Variants in PDGFD observed in about 807,000 individuals in gnomAD.
The protein encoded by PDGFD is platelet derived growth factor D, also known as platelet-derived growth factor D.
In PDGFD, 30 loss-of-function variants were observed where a neutral mutation model predicts 44.7. The observed-to-expected ratio is 0.67, with a 90% CI of 0.50 to 0.91. The LOEUF is 0.91. Among genes scored for constraint, PDGFD ranks in the 40% least tolerant of loss-of-function variants. The pLI is 0.00. For missense variants in PDGFD, 445 were observed against 457.8 expected, an observed-to-expected ratio of 0.97 and a Z score of 0.25; for synonymous variants, 173 against 168.4, an observed-to-expected ratio of 1.03 and a Z score of -0.21.
intron 1 of PDGFD, among the ~76,000 whole-genome samples, chr11:104,108,358 GA>G (rs5794294): frequency 0.48 from 71,645 of 149,760 alleles, 17,590 homozygotes; most frequent in Middle Eastern, 0.63. Flanking sequence ...AAATTTATAA[GA>G]AAAAAAAAAC....
At chr11:104,015,702 C>T (rs192775104) in intron 1 of PDGFD, among the ~76,000 whole-genome samples, 6 of 152,086 alleles carry the variant, frequency 3.9e-5, no homozygotes, top group Non-Finnish European at 7.4e-5. Flanking sequence ...TTAAAAAGCA[C>T]TAGAGTATTA....
intron 1 of PDGFD, among the ~76,000 whole-genome samples, chr11:104,009,700 T>C (rs1288834169): frequency 6.6e-6 from 1 of 152,098 alleles, no homozygotes; most frequent in Non-Finnish European, 1.5e-5. Context: ...TTGGATTAAA[T>C]TGAATTTAAT....
At chr11:104,107,526 G>A (rs1861489213) in intron 1 of PDGFD, among the ~76,000 whole-genome samples, 1 of 152,130 alleles carries the variant, frequency 6.6e-6, no homozygotes, top group African/African-American at 2.4e-5. Flanking sequence ...GATAATAAAT[G>A]TGTTGTTTTA....
At chr11:104,041,074 T>C (rs1298589094) in intron 1 of PDGFD, among the ~76,000 whole-genome samples, 1 of 152,050 alleles carries the variant, frequency 6.6e-6, no homozygotes, top group Non-Finnish European at 1.5e-5. Flanking sequence ...TTTTATTATG[T>C]GGAAACTACC....
At chr11:104,105,339 A>G (rs1026332104) in intron 1 of PDGFD, among the ~76,000 whole-genome samples, 1 of 152,196 alleles carries the variant, frequency 6.6e-6, no homozygotes, top group African/African-American at 2.4e-5. Context: ...GTTAACAACT[A>G]GTGTTCTCAA....
intron 4 of PDGFD, chr11:103,946,048 C>T (rs1204061241): frequency 6.6e-6 from 1 of 152,132 alleles, no homozygotes; most frequent in Non-Finnish European, 1.5e-5. Context: ...TAATGTGTCT[C>T]CTTCAGCTGA....
intron 1 of PDGFD, among the ~76,000 whole-genome samples, chr11:104,033,702 A>G (rs924771558): frequency 6.6e-6 from 1 of 152,216 alleles, no homozygotes; most frequent in African/African-American, 2.4e-5. Flanking sequence ...GGTTTTAAGA[A>G]CAAATTGTAC....
chr11:104,124,565 G>A (rs1439543317), intron 1 of PDGFD, among the ~76,000 whole-genome samples: 1 of 151,906 alleles, frequency 6.6e-6, no homozygotes, highest in Non-Finnish European at 1.5e-5. Context: ...TTTTCAGGAT[G>A]GATTCATAAA....
At chr11:103,959,533 C>T (rs1315725987) in intron 3 of PDGFD, among the ~76,000 whole-genome samples, 1 of 152,146 alleles carries the variant, frequency 6.6e-6, no homozygotes, top group Non-Finnish European at 1.5e-5. Context: ...TCTTTCCACT[C>T]CCCACTCAAC....
intron 1 of PDGFD, among the ~76,000 whole-genome samples, chr11:104,010,386 T>G (rs979272030): frequency 2.0e-5 from 3 of 152,070 alleles, no homozygotes; most frequent in African/African-American, 7.2e-5. Context: ...AAAGTCCTCT[T>G]GAATACTTGC....
intron 1 of PDGFD, among the ~76,000 whole-genome samples, chr11:104,129,598 G>A (rs1861887841): frequency 6.6e-6 from 1 of 152,154 alleles, no homozygotes; most frequent in African/African-American, 2.4e-5. Flanking sequence ...GCAGCAGGGT[G>A]CAAAAATTGC....
chr11:104,154,683 G>C (rs552286326), intron 1 of PDGFD, among the ~76,000 whole-genome samples: 1 of 152,262 alleles, frequency 6.6e-6, no homozygotes, highest in Admixed American at 6.5e-5. Flanking sequence ...TTTAAAGATA[G>C]AAGAGTAGTA....
intron 1 of PDGFD, among the ~76,000 whole-genome samples, chr11:104,054,184 A>G (rs750391082): frequency 1.3e-5 from 2 of 152,218 alleles, no homozygotes; most frequent in African/African-American, 2.4e-5. Context: ...CTGGGAAGCG[A>G]TTTCTGCAAA....
At chr11:104,034,444 A>C (rs1201026070) in intron 1 of PDGFD, among the ~76,000 whole-genome samples, 2 of 152,204 alleles carry the variant, frequency 1.3e-5, no homozygotes, top group Non-Finnish European at 2.9e-5. Flanking sequence ...CATGAGAAAC[A>C]GGAGCCAAAA....
rs532395881 is a variant in PDGFD, at chr11:104,075,436, AGTT to A, written c.125-75184_125-75182del. ...AGGTACACATTTTCTCTTTCATATCAGTTGTTAGCTAATAGAGACTGTACTTTG... is the reference window on the plus strand; with the variant it reads ...AGGTACACATTTTCTCTTTCATATCAGTTAGCTAATAGAGACTGTACTTTG... On this transcript the variant is annotated intron_variant, in intron 1 of 6. Transcript: ENST00000393158. Among the ~76,000 whole-genome samples the A allele has an allele frequency of 2.4e-3, 370 of 151,116 alleles. 5 individuals are homozygous for A. Among genetic ancestry groups the A allele is most frequent in the African/African-American group, 8.7e-3 (356 of 41,036 alleles).
chr11:103,926,175 AG>A (rs1858312418), intron 6 of PDGFD, among the ~76,000 whole-genome samples: 1 of 152,216 alleles, frequency 6.6e-6, no homozygotes, highest in South Asian at 2.1e-4. Context: ...CTTAGGGCTC[AG>A]TTTACTCACC....
intron 1 of PDGFD, among the ~76,000 whole-genome samples, chr11:104,103,563 AC>A (rs1366189109): frequency 2.0e-5 from 3 of 150,780 alleles, no homozygotes; most frequent in African/African-American, 7.3e-5. Flanking sequence ...TTACATGCAC[AC>A]ATATACAGTC....
chr11:104,081,976 G>A lies in PDGFD; in HGVS notation c.125-81721C>T, dbSNP rs1017969820. Among the ~76,000 whole-genome samples the A allele has an allele frequency of 1.2e-4, 18 of 151,922 alleles. No individual in the cohort carries two copies. The East Asian group carries it at 3.5e-3, about 29-fold the overall frequency. The stretch of plus-strand genomic sequence containing the variant: ...GAGAATTCTGGCTAAATTATTTAAA[G>A]CAGGAGATTTTTAATAAATAATGGA... On this transcript the variant is annotated intron_variant, in intron 1 of 6. Coordinates refer to ENST00000393158, the MANE Select transcript of PDGFD (RefSeq NM_025208.5).
At chr11:104,108,972 G>A (rs1861508234) in intron 1 of PDGFD, among the ~76,000 whole-genome samples, 2 of 150,116 alleles carry the variant, frequency 1.3e-5, no homozygotes, top group Admixed American at 1.3e-4. Flanking sequence ...AACACCGCAT[G>A]TTCTCACTCA....
Sources: allele counts gnomAD v4.1 joint callset (sites outside exome capture counted in the v4.1 genomes callset), GRCh38; gene constraint gnomAD v4.1.1; transcripts MANE v1.5; gene names NCBI Gene and HGNC (gene_info 2026-07-23, HGNC 2026-07-21).